Variants in ERH observed in about 807,000 individuals in gnomAD.
ERH encodes the protein enhancer of rudimentary homolog.
A neutral mutation model predicts 16.8 loss-of-function variants in ERH; 1 was observed. The observed-to-expected ratio is 0.06, with a 90% CI of 0.02 to 0.28. ERH has a LOEUF of 0.28. ERH is among the 10% of genes least tolerant of loss of function. ERH has a pLI of 1.00. For synonymous variants in ERH, 43 were observed against 43.6 expected, an observed-to-expected ratio of 0.99 and a Z score of 0.05; for missense variants, 42 against 127.5, an observed-to-expected ratio of 0.33 and a Z score of 3.23.
intron 3 of ERH, among the ~76,000 whole-genome samples, chr14:69,382,789 C>CAAAAAAAAAAAAAAAAAA (rs1278831093): frequency 6.8e-5 from 7 of 103,166 alleles, no homozygotes; most frequent in African/African-American, 2.6e-4. Context: ...ACTCTATCTC[C>CAAAAAAAAAAAAAAAAAA]AAAAGAAAAA....
chr14:69,384,678 T>C (rs1368203602), intron 3 of ERH, among the ~76,000 whole-genome samples: 3 of 151,796 alleles, frequency 2.0e-5, no homozygotes, highest in Non-Finnish European at 2.9e-5. Flanking sequence ...TAGAAAATTA[T>C]CAATAATTTT....
At chr14:69,388,509 C>T (rs1422032755) in intron 2 of ERH, among the ~76,000 whole-genome samples, 4 of 151,938 alleles carry the variant, frequency 2.6e-5, no homozygotes, top group African/African-American at 4.8e-5. Flanking sequence ...TACAGGCACC[C>T]GCCACCACAC....
chr14:69,390,880 G>A (rs907966658), intron 2 of ERH, among the ~76,000 whole-genome samples: 3 of 152,154 alleles, frequency 2.0e-5, no homozygotes. Context: ...GATGCAGATG[G>A]CAAATAAGCA....
intron 2 of ERH, 69 bp from the exon 3 acceptor site, chr14:69,387,152 TGA>T: frequency 7.5e-7 from 1 of 1,326,220 alleles, no homozygotes; most frequent in South Asian, 1.2e-5. Flanking sequence ...GCAGTGCTTA[TGA>T]GCTGTGCTAT....
chr14:69,387,082 A>C lies in ERH; in HGVS notation c.93T>G (p.Gly31=). The C allele has an allele frequency of 1.2e-6, 2 of 1,613,292 alleles. No individual in the cohort carries two copies. The highest frequency in any genetic ancestry group is 1.7e-6 in the Non-Finnish European group (2 of 1,179,608). ...GATGTTCTTCATACATTTTACAAAC[A>C]CCTAAGAAAGGATAGGAAAAAAAGC... ...DYESVNECME[G]VCKMYEEHLK... The change falls in exon 3 of 4, where the codon GGT becomes GGG. Residue 31 remains glycine (G), a splice_region_variant and synonymous_variant. Coordinates refer to ENST00000557016, the MANE Select transcript of ERH (RefSeq NM_004450.3).
At position 69,394,926 on chromosome 14, in the gene ERH, C is replaced by G. The variant is rs774095339; in HGVS notation, c.4-14G>C. ...AATGGTGTGAGACTGCAGGGGAAAA[C>G]ATGATTTCAATATAAGTTTCTATTT... is the stretch of plus-strand genomic sequence containing the variant. On this transcript the variant is annotated splice_polypyrimidine_tract_variant and intron_variant, in intron 1 of 3. Transcript: ENST00000557016. 4.5e-6 allele frequency: 7 copies of G among 1,572,756 alleles called. No individual in the cohort carries two copies. The highest frequency in any genetic ancestry group is 6.1e-6 in the Non-Finnish European group (7 of 1,148,146).
chr14:69,383,541 C>T (rs1255991832), intron 3 of ERH, among the ~76,000 whole-genome samples: 1 of 152,180 alleles, frequency 6.6e-6, no homozygotes, highest in South Asian at 2.1e-4. Flanking sequence ...TAACCAAAGT[C>T]ACCTGGGGAA....
rs1190528877 is a variant in ERH, at chr14:69,383,283, A to G, written c.213-2643T>C. The stretch of plus-strand genomic sequence containing the variant: ...TTTGCTCTGGGTTTAGTCATGTTAC[A>G]AAGTAGAATCTTATTTATTCCATTT... On this transcript the variant is annotated intron_variant, in intron 3 of 3. Coordinates refer to ENST00000557016, the MANE Select transcript of ERH (RefSeq NM_004450.3). Among the ~76,000 whole-genome samples the G allele has an allele frequency of 2.6e-5, 4 of 152,252 alleles. No individual in the cohort carries two copies. The East Asian group carries it at 7.7e-4, about 29-fold the overall frequency.
intron 2 of ERH, among the ~76,000 whole-genome samples, chr14:69,391,429 T>C (rs937702028): frequency 6.6e-6 from 1 of 151,792 alleles, no homozygotes; most frequent in Admixed American, 6.6e-5. Flanking sequence ...ACGGATCACT[T>C]GAGGTCAGGA....
At chr14:69,384,465 T>C (rs985668827) in intron 3 of ERH, among the ~76,000 whole-genome samples, 1 of 152,194 alleles carries the variant, frequency 6.6e-6, no homozygotes, top group African/African-American at 2.4e-5. Context: ...TCCAGCTAGC[T>C]CTTAACCACA....
chr14:69,381,239 G>A (rs1032323349), intron 3 of ERH, among the ~76,000 whole-genome samples: 4 of 152,204 alleles, frequency 2.6e-5, no homozygotes, highest in African/African-American at 9.7e-5. Context: ...TCGTGCCACT[G>A]CACTCCTGTG....
At chr14:69,385,748 C>T (rs934245863) in intron 3 of ERH, among the ~76,000 whole-genome samples, 1 of 151,990 alleles carries the variant, frequency 6.6e-6, no homozygotes. Context: ...TTACTCCTGG[C>T]ACTCTACCAC....
intron 3 of ERH, among the ~76,000 whole-genome samples, chr14:69,384,309 A>G: frequency 6.6e-6 from 1 of 152,224 alleles, no homozygotes; most frequent in East Asian, 1.9e-4. Flanking sequence ...CAAGCACTTG[A>G]TCCTCACAAG....
At chr14:69,383,948 G>T (rs542880532) in intron 3 of ERH, among the ~76,000 whole-genome samples, 2 of 152,116 alleles carry the variant, frequency 1.3e-5, no homozygotes, top group African/African-American at 2.4e-5. Flanking sequence ...AGGAGTTTGA[G>T]ACCAGCCTGG....
chr14:69,380,510 C>T lies in ERH; in HGVS notation c.*28G>A. ...GTACACACCTGTGTTCCAAGCCCAC[C>T]CCAACCCCCCCAGTGCTTCCAACAC... On this transcript the variant is annotated 3_prime_UTR_variant, in exon 4 of 4. Coordinates refer to ENST00000557016, the MANE Select transcript of ERH (RefSeq NM_004450.3). The T allele has an allele frequency of 8.5e-7, 1 of 1,176,416 alleles. No homozygotes were observed. The highest frequency in any genetic ancestry group is 1.3e-6 in the Non-Finnish European group (1 of 781,926). 72.9% of individuals were successfully genotyped at this position (1,176,416 alleles called of 1,614,324 possible).
At chr14:69,396,304 C>G (rs1882331655) in intron 1 of ERH, among the ~76,000 whole-genome samples, 1 of 152,252 alleles carries the variant, frequency 6.6e-6, no homozygotes, top group African/African-American at 2.4e-5. Context: ...TCCTGTTGCC[C>G]AGGCTGGAGC....
At chr14:69,386,686 T>A (rs994547831) in intron 3 of ERH, 8 of 253,056 alleles carry the variant, frequency 3.2e-5, no homozygotes, top group Non-Finnish European at 3.7e-5. Context: ...AAAAAAAAAA[T>A]TAGGTATAAG....
intron 3 of ERH, among the ~76,000 whole-genome samples, chr14:69,382,967 A>G (rs1360304524): frequency 6.6e-6 from 1 of 152,218 alleles, no homozygotes; most frequent in Non-Finnish European, 1.5e-5. Flanking sequence ...GTAGGTTTAT[A>G]TAAGAACAGA....
chr14:69,382,429 A>G (rs2045868111), intron 3 of ERH, among the ~76,000 whole-genome samples: 1 of 152,196 alleles, frequency 6.6e-6, no homozygotes, highest in Non-Finnish European at 1.5e-5. Context: ...ATTTCTCACA[A>G]TTATCATATC....
Sources: allele counts gnomAD v4.1 joint callset (sites outside exome capture counted in the v4.1 genomes callset), GRCh38; gene constraint gnomAD v4.1.1; transcripts MANE v1.5; gene names NCBI Gene and HGNC (gene_info 2026-07-23, HGNC 2026-07-21).